The following SCLT1 variants were observed in gnomAD, a reference collection of about 807,000 sequenced individuals.
The protein encoded by SCLT1 is sodium channel-associated protein 1.
Under a neutral mutation model 112.8 loss-of-function variants are expected in SCLT1, and 78 were observed. The observed-to-expected ratio is 0.69, with a 90% confidence interval of 0.58 to 0.83. The LOEUF (loss-of-function observed/expected upper bound fraction) is 0.83. Ranked by LOEUF, SCLT1 falls within the 40% of genes least tolerant of loss-of-function variation. SCLT1 has a pLI of 0.00. For missense variants in SCLT1, 747 were observed against 770.4 expected (o/e 0.97, Z 0.36); for synonymous variants, 257 against 254.7 (o/e 1.01, Z -0.09).
intron 13 of SCLT1, 51 bp downstream of exon 13, chr4:128,956,975 C>T (rs1579500014): frequency 1.0e-6 from 1 of 975,918 alleles, no homozygotes; most frequent in East Asian, 2.5e-5. Flanking sequence ...AGAATTTAGT[C>T]TTTAGTTGTG....
At position 128,959,721 on chromosome 4, in the gene SCLT1, T is replaced by A; in HGVS notation, c.926A>T (p.Glu309Val). 6.2e-7 allele frequency: 1 copy of A among 1,613,640 alleles called. No homozygotes were observed. The change falls in exon 12 of 21, where the codon GAA becomes GTA. Residue 309 changes from glutamate to valine, a missense_variant. Glu to Val is a moderately radical substitution (Grantham distance 121, BLOSUM62 -2). Around this residue, in one of 2 missense-constraint regions of SCLT1, gnomAD observed 723 missense variants for 721.3 expected, o/e 1.00. Transcript: ENST00000281142. ...TGCTTGTAGCTCTCTGGTCTGTTTT[T>A]CCAGATGTGTATTTTCGGTTCTTAA... Reference protein sequence around the residue: ...NQLRTENTHLEKQTRELQAKC... With the variant: ...NQLRTENTHLVKQTRELQAKC...
intron 2 of SCLT1, among the ~76,000 whole-genome samples, chr4:129,076,097 G>A (rs1751440090): frequency 6.6e-6 from 1 of 151,912 alleles, no homozygotes; most frequent in Non-Finnish European, 1.5e-5. Context: ...CTCTATCTCA[G>A]CACCCTGCTT....
chr4:129,007,495 T>C (rs2126096595), intron 5 of SCLT1, among the ~76,000 whole-genome samples: 1 of 152,322 alleles, frequency 6.6e-6, no homozygotes, highest in South Asian at 2.1e-4. Context: ...AAACCGCCTT[T>C]TAATCTGTAA....
chr4:129,002,238 A>G (rs1743560391), intron 6 of SCLT1, among the ~76,000 whole-genome samples: 1 of 152,056 alleles, frequency 6.6e-6, no homozygotes, highest in Non-Finnish European at 1.5e-5. Context: ...CACACCTGGA[A>G]AGTAGAAGAA....
intron 17 of SCLT1, among the ~76,000 whole-genome samples, chr4:128,937,884 A>G (rs888012167): frequency 3.9e-5 from 6 of 152,304 alleles, no homozygotes; most frequent in East Asian, 1.9e-4. Context: ...AAGGCATCCA[A>G]TGTATATAAT....
intron 14 of SCLT1, among the ~76,000 whole-genome samples, chr4:128,951,018 A>G (rs1186512953): frequency 6.6e-6 from 1 of 152,134 alleles, no homozygotes; most frequent in East Asian, 1.9e-4. Context: ...ACACTCATCT[A>G]AAATACAAAT....
chr4:128,959,731 T>C lies in SCLT1; in HGVS notation c.916A>G (p.Thr306Ala). Residue 306 changes from threonine to alanine, a missense_variant, in exon 12 of 21, where the codon ACA becomes GCA. Around this residue, in one of 2 missense-constraint regions of SCLT1, gnomAD observed 723 missense variants for 721.3 expected, o/e 1.00. Transcript: ENST00000281142. ...QEANQLRTEN[T>A]HLEKQTRELQ... ...TCTCTGGTCTGTTTTTCCAGATGTGTATTTTCGGTTCTTAATTGGTTGGCT... is the reference window on the plus strand; with the variant it reads ...TCTCTGGTCTGTTTTTCCAGATGTGCATTTTCGGTTCTTAATTGGTTGGCT... The C allele has an allele frequency of 6.2e-7, 1 of 1,613,600 alleles. No homozygotes were observed. Among genetic ancestry groups the C allele is most frequent in the Non-Finnish European group, 8.5e-7 (1 of 1,179,676 alleles).
At chr4:129,055,706 G>T (rs1383514325) in intron 2 of SCLT1, among the ~76,000 whole-genome samples, 2 of 152,008 alleles carry the variant, frequency 1.3e-5, no homozygotes, top group Non-Finnish European at 2.9e-5. Context: ...TAGCTTGCTG[G>T]TCTCCATGGG....
At chr4:128,950,177 T>G (rs965916759) in intron 14 of SCLT1, among the ~76,000 whole-genome samples, 2 of 152,166 alleles carry the variant, frequency 1.3e-5, no homozygotes, top group African/African-American at 4.8e-5. Context: ...AGTGCTAAAT[T>G]TGGGATTTTA....
At chr4:128,988,596 A>G (rs1349882253) in intron 9 of SCLT1, among the ~76,000 whole-genome samples, 3 of 151,956 alleles carry the variant, frequency 2.0e-5, no homozygotes, top group Non-Finnish European at 4.4e-5. Context: ...AACCCCAGAA[A>G]AAAAGTAACA....
intron 4 of SCLT1, chr4:129,039,682 A>T (rs1018284965): frequency 2.5e-5 from 4 of 158,342 alleles, no homozygotes; most frequent in African/African-American, 9.6e-5. Flanking sequence ...GGTTAAAAAA[A>T]ATCCTAACTA....
At chr4:128,959,888 T>G in intron 11 of SCLT1, 111 bp from the exon 12 acceptor site, 1 of 791,262 alleles carries the variant, frequency 1.3e-6, no homozygotes, top group Non-Finnish European at 2.1e-6. Context: ...TTCACATGTA[T>G]TAATATTTTC....
intron 5 of SCLT1, chr4:129,036,596 C>T (rs1025124024): frequency 6.6e-6 from 1 of 151,414 alleles, no homozygotes; most frequent in Non-Finnish European, 1.5e-5. Context: ...ACTAAAAGCC[C>T]AATTAAAAGA....
chr4:129,085,491 G>A (rs1752313790), intron 1 of SCLT1, among the ~76,000 whole-genome samples: 1 of 152,084 alleles, frequency 6.6e-6, no homozygotes. Flanking sequence ...AATACCATTC[G>A]ACCCTTTAAT....
intron 13 of SCLT1, among the ~76,000 whole-genome samples, chr4:128,953,086 C>A (rs1009336970): frequency 1.3e-4 from 20 of 151,876 alleles, no homozygotes; most frequent in Non-Finnish European, 2.8e-4. Context: ...TGCTTTTACC[C>A]ACAATTAAAA....
At chr4:128,881,247 TA>T (rs563747163), downstream of SCLT1, among the ~76,000 whole-genome samples, 251 of 152,304 alleles carry the variant, frequency 1.6e-3, no homozygotes, top group African/African-American at 5.7e-3. Flanking sequence ...CAAACTTAAT[TA>T]TTTTTGATAA....
chr4:128,964,185 AT>A (rs1222380651), intron 11 of SCLT1, among the ~76,000 whole-genome samples: 1 of 152,204 alleles, frequency 6.6e-6, no homozygotes, highest in Non-Finnish European at 1.5e-5. Flanking sequence ...GGCATTTGAA[AT>A]GTGTAGGGAC....
At chr4:128,969,767 G>C (rs1471409103) in intron 10 of SCLT1, among the ~76,000 whole-genome samples, 1 of 152,012 alleles carries the variant, frequency 6.6e-6, no homozygotes, top group Non-Finnish European at 1.5e-5. Context: ...GTGCTTTCTG[G>C]TGTTTTAAAA....
chr4:128,894,237 T>C (rs776604747), intron 18 of SCLT1, among the ~76,000 whole-genome samples: 6 of 152,056 alleles, frequency 3.9e-5, no homozygotes, highest in Non-Finnish European at 8.8e-5. Flanking sequence ...CCACTGCATC[T>C]GGCTGCTTGT....
Sources: gnomAD v4.1 joint callset for allele counts (sites outside exome capture counted in the v4.1 genomes callset) on GRCh38, gnomAD v4.1.1 for gene constraint, gnomAD v4.1.1 regional missense constraint, MANE v1.5 for transcripts, NCBI Gene and HGNC (gene_info 2026-07-23, HGNC 2026-07-21) for gene names.